The following LIPC variants were observed in gnomAD, a reference collection of about 807,000 sequenced individuals.
LIPC encodes lipase C, hepatic type.
A neutral mutation model predicts 50.7 loss-of-function variants in LIPC; 44 were observed. The observed-to-expected ratio is 0.87, with a 90% confidence interval of 0.68 to 1.11. LIPC has a LOEUF of 1.11. Among genes scored for constraint, LIPC ranks in the 50% most tolerant of loss-of-function variants. The pLI is 0.00. For missense variants in LIPC, 697 were observed against 648.2 expected (o/e 1.08, Z -0.82); for synonymous variants, 271 against 256.4 (o/e 1.06, Z -0.54).
rs140614124 is a variant in LIPC, at chr15:58,514,786, A to G, written c.89-23547A>G. Among the ~76,000 whole-genome samples, 506 of 152,328 alleles carry G rather than the reference A, an allele frequency of 3.3e-3. 4 individuals carry two copies. The highest frequency in any genetic ancestry group is 0.012 in the African/African-American group (486 of 41,580). ...TTGTGGTGAGCCAAGATGGTGCCAC[A>G]GCACTCCAGCCTGGACGACAGAGTG... On this transcript the variant is annotated intron_variant, in intron 1 of 8. Transcript: ENST00000299022.
At chr15:58,526,307 T>C (rs1203941189) in intron 1 of LIPC, among the ~76,000 whole-genome samples, 7 of 152,246 alleles carry the variant, frequency 4.6e-5, no homozygotes, top group Non-Finnish European at 1.0e-4. Flanking sequence ...GGCAGAACCC[T>C]GGCTGGAGTG....
At chr15:58,466,427 A>G (rs1894566634) in intron 1 of LIPC, among the ~76,000 whole-genome samples, 2 of 152,216 alleles carry the variant, frequency 1.3e-5, no homozygotes, top group Admixed American at 1.3e-4. Context: ...AGAACCTTGA[A>G]CAAGCCACTT....
At chr15:58,476,524 C>T (rs1375227611) in intron 1 of LIPC, among the ~76,000 whole-genome samples, 1 of 152,176 alleles carries the variant, frequency 6.6e-6, no homozygotes, top group Non-Finnish European at 1.5e-5. Context: ...AAACTGAAGC[C>T]AACACCATTT....
chr15:58,517,104 G>A (rs1892508288), intron 1 of LIPC, among the ~76,000 whole-genome samples: 1 of 152,230 alleles, frequency 6.6e-6, no homozygotes, highest in Non-Finnish European at 1.5e-5. Flanking sequence ...TGTTGTTAAT[G>A]ATGACAAAAT....
intron 4 of LIPC, among the ~76,000 whole-genome samples, chr15:58,544,147 G>A (rs903758751): frequency 7.9e-5 from 12 of 152,124 alleles, no homozygotes; most frequent in African/African-American, 2.4e-4. Context: ...ACAATAGCCT[G>A]GGGATGAGCA....
intron 2 of LIPC, among the ~76,000 whole-genome samples, chr15:58,540,617 C>T (rs1278024419): frequency 6.6e-6 from 1 of 152,164 alleles, no homozygotes; most frequent in Non-Finnish European, 1.5e-5. Flanking sequence ...TCTCCAGCTT[C>T]ACCCGCTATT....
intron 1 of LIPC, among the ~76,000 whole-genome samples, chr15:58,512,614 C>T (rs531605395): frequency 7.2e-5 from 11 of 152,264 alleles, no homozygotes; most frequent in South Asian, 4.1e-4. Context: ...ATCTCCAGAT[C>T]CAGCAGTCTT....
chr15:58,459,307 G>T (rs1894249683), intron 1 of LIPC, among the ~76,000 whole-genome samples: 1 of 152,196 alleles, frequency 6.6e-6, no homozygotes, highest in African/African-American at 2.4e-5. Flanking sequence ...TTTGGAGAAT[G>T]CTCAGTGAGG....
intron 1 of LIPC, among the ~76,000 whole-genome samples, chr15:58,467,407 C>T (rs928416816): frequency 9.9e-5 from 15 of 152,134 alleles, no homozygotes; most frequent in Non-Finnish European, 8.8e-5. Flanking sequence ...TATTGGTTTC[C>T]GCTCCGTTGC....
rs577487153 is a variant in LIPC at position 58,489,429 on chromosome 15, T to C, written c.89-48904T>C. Reference sequence around the variant, plus strand: ...CTCCCTGAATGCTCAGCGGTTAGGGTTTTTCAAGGATAGTTTGATGTACAG... The same window carrying C: ...CTCCCTGAATGCTCAGCGGTTAGGGCTTTTCAAGGATAGTTTGATGTACAG... On this transcript the variant is annotated intron_variant, in intron 1 of 8. Transcript: ENST00000299022. Among the ~76,000 whole-genome samples, 3 of 151,540 alleles carry C rather than the reference T, an allele frequency of 2.0e-5. No homozygotes were observed. The South Asian group carries it at 6.3e-4, about 32-fold the overall frequency.
intron 1 of LIPC, among the ~76,000 whole-genome samples, chr15:58,498,423 C>G (rs1891852451): frequency 6.6e-6 from 1 of 152,050 alleles, no homozygotes; most frequent in African/African-American, 2.4e-5. Context: ...ATATTGCCCC[C>G]AAGAGGGTGA....
chr15:58,482,255 C>T (rs553984172), intron 1 of LIPC, among the ~76,000 whole-genome samples: 1 of 152,268 alleles, frequency 6.6e-6, no homozygotes, highest in African/African-American at 2.4e-5. Context: ...TTTCCTCTGC[C>T]CTTTTTAGAG....
At chr15:58,512,580 G>T (rs1432205662) in intron 1 of LIPC, among the ~76,000 whole-genome samples, 2 of 152,202 alleles carry the variant, frequency 1.3e-5, no homozygotes, top group African/African-American at 4.8e-5. Flanking sequence ...GAAAAGCCAC[G>T]GGAATCACAG....
chr15:58,470,077 T>A (rs140230368), intron 1 of LIPC, among the ~76,000 whole-genome samples: 5 of 151,954 alleles, frequency 3.3e-5, no homozygotes, highest in African/African-American at 1.2e-4. Context: ...GGACTACGGG[T>A]ACATACCACC....
At chr15:58,567,342 T>C (rs1179262300) in intron 8 of LIPC, among the ~76,000 whole-genome samples, 4 of 15,748 alleles carry the variant, frequency 2.5e-4, no homozygotes, top group East Asian at 5.3e-3. Flanking sequence ...TATATATGTA[T>C]ATGTATATAT....
intron 7 of LIPC, among the ~76,000 whole-genome samples, chr15:58,562,064 A>G (rs1595956974): frequency 1.3e-5 from 2 of 152,186 alleles, no homozygotes; most frequent in East Asian, 3.8e-4. Flanking sequence ...TACAGCAGAA[A>G]ACTCTTGGTC....
chr15:58,436,271 T>G (rs1893291940), intron 1 of LIPC: 1 of 159,292 alleles, frequency 6.3e-6, no homozygotes, highest in Non-Finnish European at 1.4e-5. Flanking sequence ...CAAAAAATGA[T>G]AGCGTAGTGG....
At chr15:58,487,178 C>G (rs1891408275) in intron 1 of LIPC, among the ~76,000 whole-genome samples, 2 of 152,186 alleles carry the variant, frequency 1.3e-5, no homozygotes, top group South Asian at 4.1e-4. Flanking sequence ...AAAGGTGGTT[C>G]TTACACACTA....
At chr15:58,494,418 C>T (rs1232270346) in intron 1 of LIPC, among the ~76,000 whole-genome samples, 1 of 152,208 alleles carries the variant, frequency 6.6e-6, no homozygotes. Flanking sequence ...AGATTGCAGC[C>T]ATAGATCCTT....
Sources: gnomAD v4.1 joint callset for allele counts (sites outside exome capture counted in the v4.1 genomes callset) on GRCh38, gnomAD v4.1.1 for gene constraint, MANE v1.5 for transcripts, NCBI Gene and HGNC (gene_info 2026-07-23, HGNC 2026-07-21) for gene names.